Variants in LSAMP observed in about 807,000 individuals in gnomAD.
LSAMP encodes the protein limbic system associated membrane protein, also known as limbic system-associated membrane protein.
A neutral mutation model predicts 38.6 loss-of-function variants in LSAMP; 7 were observed. That is an observed-to-expected ratio of 0.18 (90% CI 0.10 to 0.34). The LOEUF is 0.34. LSAMP is among the 10% of genes least tolerant of loss of function. The probability of loss-of-function intolerance (pLI) is 1.00; values close to 1 mark genes in which losing one functional copy is unlikely to be tolerated. For missense variants in LSAMP, 313 were observed against 420.0 expected, an observed-to-expected ratio of 0.75 and a Z score of 2.23; for synonymous variants, 154 against 166.8, an observed-to-expected ratio of 0.92 and a Z score of 0.59.
chr3:115,901,591 A>G (rs1936875682), intron 3 of LSAMP, among the ~76,000 whole-genome samples: 2 of 152,184 alleles, frequency 1.3e-5, no homozygotes, highest in African/African-American at 4.8e-5. Context: ...ATCTCAACGT[A>G]TAGCATCTAA....
chr3:116,200,127 C>CAG (rs1419649775), intron 1 of LSAMP, among the ~76,000 whole-genome samples: 2 of 143,202 alleles, frequency 1.4e-5, no homozygotes, highest in African/African-American at 5.1e-5. Flanking sequence ...CACACACACA[C>CAG]AGCTACATGT....
At chr3:115,872,382 C>G (rs968738736) in intron 3 of LSAMP, among the ~76,000 whole-genome samples, 4 of 152,004 alleles carry the variant, frequency 2.6e-5, no homozygotes, top group Non-Finnish European at 5.9e-5. Flanking sequence ...CATGTGCCAC[C>G]CTGCGGCATC....
intron 1 of LSAMP, among the ~76,000 whole-genome samples, chr3:116,403,018 T>C (rs538659541): frequency 3.3e-5 from 5 of 152,238 alleles, no homozygotes; most frequent in African/African-American, 4.8e-5. Flanking sequence ...AATCCAGATA[T>C]GGCCAATCAC....
intron 3 of LSAMP, among the ~76,000 whole-genome samples, chr3:116,000,003 T>C (rs570788875): frequency 1.3e-5 from 2 of 152,272 alleles, no homozygotes; most frequent in Non-Finnish European, 2.9e-5. Flanking sequence ...TGTGTGTGTT[T>C]GTGTGTGTGC....
chr3:116,313,497 C>G (rs1248712755), intron 1 of LSAMP, among the ~76,000 whole-genome samples: 3 of 152,204 alleles, frequency 2.0e-5, no homozygotes, highest in Non-Finnish European at 4.4e-5. Context: ...CTGGCACTGC[C>G]TGTGTTTTCT....
intron 3 of LSAMP, among the ~76,000 whole-genome samples, chr3:115,946,869 T>C (rs2107569688): frequency 6.6e-6 from 1 of 152,090 alleles, no homozygotes. Flanking sequence ...CTTTTATAAA[T>C]GAAGACACTA....
rs146206385 is a variant in LSAMP, at chr3:116,228,656, G to A, written c.156-142100C>T. Reference sequence around the variant, plus strand: ...GCTGTGTTGTTATTGTGGTAGAAGCGGAGATCACTTTGTTATTAAATGTAA... The same window carrying A: ...GCTGTGTTGTTATTGTGGTAGAAGCAGAGATCACTTTGTTATTAAATGTAA... On this transcript the variant is annotated intron_variant, in intron 1 of 6. Transcript: ENST00000490035. Among the ~76,000 whole-genome samples the A allele has an allele frequency of 3.0e-4, 45 of 152,162 alleles. No homozygotes were observed. The East Asian group carries it at 7.3e-3, about 25-fold the overall frequency.
intron 2 of LSAMP, among the ~76,000 whole-genome samples, chr3:116,060,864 T>G (rs1274066773): frequency 6.6e-6 from 1 of 151,952 alleles, no homozygotes; most frequent in African/African-American, 2.4e-5. Context: ...GGAACTTGAC[T>G]TTGAGAGATA....
At chr3:116,186,647 T>C (rs771765650) in intron 1 of LSAMP, among the ~76,000 whole-genome samples, 4 of 152,144 alleles carry the variant, frequency 2.6e-5, no homozygotes, top group Admixed American at 6.5e-5. Flanking sequence ...GGACTCACAA[T>C]TAATCCAATA....
At chr3:115,871,795 C>T (rs1476583772) in intron 3 of LSAMP, among the ~76,000 whole-genome samples, 1 of 152,088 alleles carries the variant, frequency 6.6e-6, no homozygotes, top group East Asian at 1.9e-4. Flanking sequence ...ATGAGCAAAG[C>T]AGGAATACCA....
intron 1 of LSAMP, among the ~76,000 whole-genome samples, chr3:116,202,224 C>T (rs2045997723): frequency 6.6e-6 from 1 of 151,938 alleles, no homozygotes; most frequent in Non-Finnish European, 1.5e-5. Flanking sequence ...CAACCTCCAC[C>T]TCCCAGGTTC....
At chr3:116,151,991 C>T (rs1436734457) in intron 1 of LSAMP, among the ~76,000 whole-genome samples, 1 of 151,956 alleles carries the variant, frequency 6.6e-6, no homozygotes, top group African/African-American at 2.4e-5. Context: ...TTCTTTTTAC[C>T]TTTTAAATTT....
intron 3 of LSAMP, among the ~76,000 whole-genome samples, chr3:115,946,515 C>T (rs564870219): frequency 2.6e-5 from 4 of 151,974 alleles, no homozygotes; most frequent in Non-Finnish European, 5.9e-5. Flanking sequence ...AGAGATTTTG[C>T]GCCAGTAAAT....
At chr3:115,874,043 C>T (rs1047697025) in intron 3 of LSAMP, among the ~76,000 whole-genome samples, 2 of 152,106 alleles carry the variant, frequency 1.3e-5, no homozygotes, top group Non-Finnish European at 2.9e-5. Flanking sequence ...CTAAGTTTAT[C>T]TTTCTCTCTT....
intron 1 of LSAMP, among the ~76,000 whole-genome samples, chr3:116,222,913 T>C (rs565206690): frequency 6.6e-6 from 1 of 151,562 alleles, no homozygotes; most frequent in East Asian, 2.0e-4. Context: ...TTTTTTTTTG[T>C]ATTTTTAGTA....
chr3:116,182,723 T>C (rs1418611152), intron 1 of LSAMP, among the ~76,000 whole-genome samples: 1 of 151,902 alleles, frequency 6.6e-6, no homozygotes, highest in Non-Finnish European at 1.5e-5. Context: ...TTGGTAGAGA[T>C]GTCTGATTCC....
intron 1 of LSAMP, among the ~76,000 whole-genome samples, chr3:116,151,951 A>C (rs941251588): frequency 6.6e-6 from 1 of 152,080 alleles, no homozygotes; most frequent in Non-Finnish European, 1.5e-5. Flanking sequence ...ACAAAATAAT[A>C]AGAATGTACT....
At chr3:115,854,288 T>TATTATTATTA (rs1559851947) in intron 3 of LSAMP, among the ~76,000 whole-genome samples, 9 of 126,094 alleles carry the variant, frequency 7.1e-5, no homozygotes, top group African/African-American at 2.4e-4. Context: ...TATTATTTTT[T>TATTATTATTA]TTTTTTTTTT....
intron 3 of LSAMP, among the ~76,000 whole-genome samples, chr3:115,894,326 C>A (rs1936675868): frequency 2.0e-5 from 3 of 151,886 alleles, no homozygotes; most frequent in African/African-American, 7.3e-5. Context: ...CATTTTTGTC[C>A]CTATTTACAT....
Sources: gnomAD v4.1 joint callset for allele counts (sites outside exome capture counted in the v4.1 genomes callset) on GRCh38, gnomAD v4.1.1 for gene constraint, MANE v1.5 for transcripts, NCBI Gene and HGNC (gene_info 2026-07-23, HGNC 2026-07-21) for gene names.